The following ABHD5 variants were observed in gnomAD, a reference collection of about 807,000 sequenced individuals.
The protein encoded by ABHD5 is 1-acylglycerol-3-phosphate O-acyltransferase ABHD5.
A neutral mutation model predicts 44.9 loss-of-function variants in ABHD5; 30 were observed. The observed-to-expected ratio is 0.67, with a 90% CI of 0.50 to 0.91. The LOEUF (loss-of-function observed/expected upper bound fraction) is 0.91, where lower values mean the gene tolerates loss of function less well. ABHD5 is among the 40% of genes least tolerant of loss of function. ABHD5 has a pLI of 0.00. For missense variants in ABHD5, 399 were observed against 423.4 expected (o/e 0.94, Z 0.50); for synonymous variants, 167 against 147.0 (o/e 1.14, Z -0.99).
intron 4 of ABHD5, among the ~76,000 whole-genome samples, chr3:43,714,088 G>A (rs1280059554): frequency 6.6e-6 from 1 of 151,548 alleles, no homozygotes; most frequent in Non-Finnish European, 1.5e-5. Context: ...TCCCTTGTGG[G>A]CCTTGCCCTG....
At chr3:43,731,855 AAATT>A (rs2084914901) in intron 7 of ABHD5, among the ~76,000 whole-genome samples, 1 of 151,592 alleles carries the variant, frequency 6.6e-6, no homozygotes, top group Non-Finnish European at 1.5e-5. Flanking sequence ...AAATAAATAA[AAATT>A]AAAATTAAAA....
In ABHD5 at chr3:43,702,477, G is replaced by A. The variant is rs373148191; in HGVS notation, c.396G>A (p.Val132=). 6.8e-6 allele frequency: 11 copies of A among 1,614,224 alleles called. No homozygotes were observed. Among genetic ancestry groups the A allele is most frequent in the East Asian group, 2.2e-5 (1 of 44,884 alleles). The change falls in exon 3 of 7, where the codon GTG becomes GTA. Residue 132 remains valine, a synonymous_variant. Coordinates refer to ENST00000644371, the MANE Select transcript of ABHD5 (RefSeq NM_016006.6). ...SDAEEVENQF[V]ESIEEWRCAL... ...CAGAAGAAGTGGAGAATCAGTTTGTGGAATCCATTGAAGAGTGGAGATGTG... is the reference window on the plus strand; with the variant it reads ...CAGAAGAAGTGGAGAATCAGTTTGTAGAATCCATTGAAGAGTGGAGATGTG...
chr3:43,734,190 C>T (rs1018325212), exon 8 of ABHD5: 3 of 152,246 alleles, frequency 2.0e-5, no homozygotes, highest in Admixed American at 1.3e-4. Context: ...TGCCCTTGGC[C>T]AAACAGCTGC....
chr3:43,718,529 C>T lies in ABHD5; in HGVS notation c.1047C>T (p.Asp349=). 3.1e-6 allele frequency: 5 copies of T among 1,613,866 alleles called. No homozygotes were observed. Among genetic ancestry groups the T allele is most frequent in the Non-Finnish European group, 3.4e-6 (4 of 1,179,788 alleles). ...QKVKEICDTV[D] is the part of the protein sequence containing the mutation. ...TAAAGGAGATCTGCGACACTGTGGA[C>T]TGAACACACTGAAGCTCTGATGGGA... The change falls in exon 7 of 7, where the codon GAC becomes GAT. Residue 349 remains aspartate, a synonymous_variant. Transcript: ENST00000644371.
chr3:43,694,757 ATATAT>A (rs2084449924), intron 1 of ABHD5: 1 of 152,200 alleles, frequency 6.6e-6, no homozygotes, highest in Admixed American at 6.5e-5. Context: ...ATGTGTTAAC[ATATAT>A]TAGAGGGCCT....
chr3:43,705,409 T>C (rs1037356864), intron 3 of ABHD5, among the ~76,000 whole-genome samples: 1 of 152,226 alleles, frequency 6.6e-6, no homozygotes, highest in African/African-American at 2.4e-5. Context: ...ATTCTGTGTG[T>C]ATGTGTGAGA....
intron 7 of ABHD5, among the ~76,000 whole-genome samples, chr3:43,732,314 C>T (rs749435169): frequency 2.0e-5 from 3 of 152,060 alleles, no homozygotes; most frequent in Non-Finnish European, 4.4e-5. Flanking sequence ...CCTGTAATTC[C>T]AGCTACTTGG....
intron 2 of ABHD5, 147 bp from the exon 3 acceptor site, chr3:43,702,068 T>C (rs1179212669): frequency 9.9e-6 from 7 of 707,946 alleles, no homozygotes; most frequent in South Asian, 2.1e-5. Flanking sequence ...TTCAATAAAA[T>C]GTGTACTTTT....
In ABHD5 at chr3:43,711,780, CA is replaced by C; in HGVS notation, c.580del (p.Ile194PhefsTer12). The C allele has an allele frequency of 6.2e-7, 1 of 1,614,142 alleles. No individual in the cohort carries two copies. The highest frequency in any genetic ancestry group is 8.5e-7 in the Non-Finnish European group (1 of 1,180,020). ...ERPDLADQDR[P>X]IPVWIRALGA... ...CCAGACCTTGCTGATCAAGACAGAC[CA>C]ATTCCAGTTTGGATCAGAGCCTTGG... On this transcript the variant is annotated frameshift_variant, in exon 4 of 7. Transcript: ENST00000644371. LOFTEE classifies it high-confidence loss of function.
At chr3:43,698,694 C>T (rs1219796521) in intron 1 of ABHD5, among the ~76,000 whole-genome samples, 1 of 152,148 alleles carries the variant, frequency 6.6e-6, no homozygotes, top group Non-Finnish European at 1.5e-5. Flanking sequence ...CTTTTTTGTA[C>T]TTCTATTAAC....
chr3:43,690,912 A>G, upstream of ABHD5: 1 of 1,455,746 alleles, frequency 6.9e-7, no homozygotes, highest in Non-Finnish European at 9.1e-7. Context: ...CGCCGCCTTA[A>G]GTGCCGCGCC....
In ABHD5 at chr3:43,719,763, C is replaced by A. The variant is rs2084811229; in HGVS notation, c.*1231C>A. On this transcript the variant is annotated 3_prime_UTR_variant, in exon 7 of 7. Transcript: ENST00000644371. ...AACTGGCTGCTGAGAAAACCCTTCA[C>A]CAAAAAAATAAATAAAAATTGAATA... 1 of 151,938 alleles carries A rather than the reference C, an allele frequency of 6.6e-6. No homozygotes were observed. Among genetic ancestry groups the A allele is most frequent in the African/African-American group, 2.4e-5 (1 of 41,344 alleles). The allele number at this position is 151,938 out of a possible 1,614,324, so 9.4% of individuals were successfully genotyped here.
Position 43,718,801 on chromosome 3 carries a change from T to C in ABHD5, c.*269T>C, listed in dbSNP as rs1318866460. 1.9e-5 allele frequency: 7 copies of C among 365,870 alleles called. No individual in the cohort carries two copies. Among genetic ancestry groups the C allele is most frequent in the Non-Finnish European group, 3.5e-5 (7 of 198,660 alleles). The allele number at this position is 365,870 out of a possible 1,614,324, so 22.7% of individuals were successfully genotyped here. A position where few individuals can be genotyped will look rare whatever the true frequency, so the allele number is the denominator to read the frequency against. On this transcript the variant is annotated 3_prime_UTR_variant, in exon 7 of 7. Coordinates refer to ENST00000644371, the MANE Select transcript of ABHD5 (RefSeq NM_016006.6). ...AATAAAAGGTTATTTGTCCCTCTGA[T>C]GTACTGAAAAACTGTAATTTTTCAG...
upstream of ABHD5, chr3:43,690,874 C>G (rs966802722): frequency 4.5e-5 from 52 of 1,143,492 alleles, no homozygotes; most frequent in Non-Finnish European, 5.9e-5. Context: ...CGTGCTAGTG[C>G]GCGGAAGACG....
chr3:43,728,591 A>G (rs2084893367), intron 7 of ABHD5, among the ~76,000 whole-genome samples: 1 of 152,212 alleles, frequency 6.6e-6, no homozygotes, highest in African/African-American at 2.4e-5. Flanking sequence ...TACTACCCAG[A>G]GACTGATGAA....
intron 3 of ABHD5, among the ~76,000 whole-genome samples, chr3:43,704,629 G>A (rs1418327525): frequency 6.6e-6 from 1 of 152,170 alleles, no homozygotes; most frequent in Non-Finnish European, 1.5e-5. Context: ...GTTGGCAAGA[G>A]TTTCATTTGC....
intron 1 of ABHD5, among the ~76,000 whole-genome samples, 167 bp from the exon 2 acceptor site, chr3:43,699,108 AG>A (rs2084507954): frequency 6.6e-6 from 1 of 152,238 alleles, no homozygotes; most frequent in Admixed American, 6.5e-5. Context: ...TCTGTATCCC[AG>A]TACTTACCAC....
downstream of ABHD5, among the ~76,000 whole-genome samples, chr3:43,727,178 C>G (rs1393924686): frequency 1.3e-5 from 2 of 152,158 alleles, no homozygotes; most frequent in African/African-American, 4.8e-5. Context: ...ACCTTGGAAC[C>G]CTGAGTTGCC....
intron 1 of ABHD5, among the ~76,000 whole-genome samples, chr3:43,698,956 G>C (rs1243889149): frequency 6.6e-6 from 1 of 152,196 alleles, no homozygotes; most frequent in African/African-American, 2.4e-5. Flanking sequence ...ATAAGAGGCT[G>C]TCTTGCAGTG....
Sources: allele counts gnomAD v4.1 joint callset (sites outside exome capture counted in the v4.1 genomes callset), GRCh38; gene constraint gnomAD v4.1.1; transcripts MANE v1.5; gene names NCBI Gene and HGNC (gene_info 2026-07-23, HGNC 2026-07-21).